The following PIK3C3 variants were observed in gnomAD, a reference collection of about 807,000 sequenced individuals.
PIK3C3 encodes phosphatidylinositol 3-kinase catalytic subunit type 3, also known as PI3-kinase type 3.
In PIK3C3, 95 loss-of-function variants were observed where a neutral mutation model predicts 126.1. That is an observed-to-expected ratio of 0.75 (90% CI 0.64 to 0.89). The LOEUF is 0.89. Among genes scored for constraint, PIK3C3 ranks in the 40% least tolerant of loss-of-function variants. PIK3C3 has a pLI of 0.00. For missense variants in PIK3C3, 829 were observed against 1,063.2 expected, an observed-to-expected ratio of 0.78 and a Z score of 3.06; for synonymous variants, 374 against 360.0, an observed-to-expected ratio of 1.04 and a Z score of -0.44.
intron 4 of PIK3C3, among the ~76,000 whole-genome samples, chr18:41,978,453 A>G (rs892909049): frequency 1.3e-5 from 2 of 152,216 alleles, no homozygotes; most frequent in Non-Finnish European, 2.9e-5. Context: ...TTGAGAACCT[A>G]TAAGGGAAGA....
Position 42,012,743 on chromosome 18 carries a change from A to G in PIK3C3, c.1171-699A>G, listed in dbSNP as rs374973565. ...TGTTGACTGACACCTTTTTAGTCCA[A>G]GTTATCTCATTGATTGTCACTTATG... On this transcript the variant is annotated intron_variant, in intron 10 of 24. Coordinates refer to ENST00000262039, the MANE Select transcript of PIK3C3 (RefSeq NM_002647.4). 7.9e-5 allele frequency among the ~76,000 whole-genome samples: 12 copies of G among 152,282 alleles called. No homozygotes were observed. The East Asian group carries it at 2.3e-3, about 29-fold the overall frequency.
chr18:42,013,188 A>G (rs371893604), intron 10 of PIK3C3, among the ~76,000 whole-genome samples: 2 of 148,528 alleles, frequency 1.3e-5, no homozygotes, highest in African/African-American at 2.5e-5. Flanking sequence ...GCCGGACACT[A>G]TACTGTGACT....
At chr18:41,970,671 TCAC>T in intron 4 of PIK3C3, 1 of 608,604 alleles carries the variant, frequency 1.6e-6, no homozygotes, top group Non-Finnish European at 2.9e-6. Context: ...TGTATAATCA[TCAC>T]CACTATATAA....
intron 4 of PIK3C3, among the ~76,000 whole-genome samples, chr18:41,974,304 T>A (rs1290285300): frequency 6.6e-6 from 1 of 152,232 alleles, no homozygotes; most frequent in Admixed American, 6.5e-5. Flanking sequence ...TAGCTGAAGT[T>A]TGAAAGCCTG....
intron 3 of PIK3C3, among the ~76,000 whole-genome samples, chr18:41,969,210 T>C (rs1980528573): frequency 6.6e-6 from 1 of 152,164 alleles, no homozygotes; most frequent in Non-Finnish European, 1.5e-5. Context: ...CTAGTTTTTT[T>C]CTTTCTATTG....
chr18:41,977,932 C>G (rs1981010823), intron 4 of PIK3C3, among the ~76,000 whole-genome samples: 1 of 152,124 alleles, frequency 6.6e-6, no homozygotes, highest in African/African-American at 2.4e-5. Context: ...AAGGACACTG[C>G]TTCTCTAGAC....
At chr18:42,010,129 T>C (rs189771443) in intron 10 of PIK3C3, among the ~76,000 whole-genome samples, 1 of 152,336 alleles carries the variant, frequency 6.6e-6, no homozygotes, top group East Asian at 1.9e-4. Context: ...TTAACAACTA[T>C]GTTTATGGAG....
intron 14 of PIK3C3, among the ~76,000 whole-genome samples, chr18:42,028,337 T>G (rs113356511): frequency 5.8e-4 from 89 of 152,346 alleles, no homozygotes; most frequent in African/African-American, 2.0e-3. Flanking sequence ...TCTTTTTATA[T>G]AATGTATTTT....
At chr18:42,014,207 CAA>C (rs58086258) in intron 11 of PIK3C3, among the ~76,000 whole-genome samples, 1 of 40,986 alleles carries the variant, frequency 2.4e-5, no homozygotes, top group Non-Finnish European at 4.9e-5. Context: ...GACTCCGTCT[CAA>C]AAAAAAAAAA....
chr18:42,055,693 A>G (rs759116595), intron 21 of PIK3C3, among the ~76,000 whole-genome samples: 1 of 152,110 alleles, frequency 6.6e-6, no homozygotes, highest in Non-Finnish European at 1.5e-5. Context: ...TTTGGATTAT[A>G]AGGAACAGCA....
intron 1 of PIK3C3, among the ~76,000 whole-genome samples, chr18:41,956,994 G>A (rs1979810328): frequency 6.6e-6 from 1 of 152,142 alleles, no homozygotes; most frequent in South Asian, 2.1e-4. Flanking sequence ...TTATACCACT[G>A]TTTTAAAGAA....
At chr18:42,076,195 C>CATAT (rs201249454) in intron 24 of PIK3C3, among the ~76,000 whole-genome samples, 9 of 111,892 alleles carry the variant, frequency 8.0e-5, no homozygotes, top group African/African-American at 3.5e-4. Context: ...TATATATGCA[C>CATAT]ACATATATAT....
At position 41,970,433 on chromosome 18, in the gene PIK3C3, G is replaced by A. The variant is rs1381231716; in HGVS notation, c.508G>A (p.Asp170Asn). The A allele has an allele frequency of 3.1e-6, 5 of 1,613,846 alleles. No homozygotes were observed. Among genetic ancestry groups the A allele is most frequent in the African/African-American group, 1.3e-5 (1 of 74,882 alleles). ...CAGAACAAGTAGCACTCTCTCAGAA[G>A]ATCAGATGAGCCGTCTTGCCAAGGT... is the stretch of plus-strand genomic sequence containing the variant. ...PGRTSSTLSE[D>N]QMSRLAKLTK... The change falls in exon 4 of 25, where the codon GAT (aspartate) becomes AAT (asparagine). Residue 170 changes from aspartate (D) to asparagine (N), a missense_variant. This residue lies in a region of PIK3C3 where 313 missense variants were observed against 340.7 expected (regional missense o/e 0.92). Transcript: ENST00000262039.
intron 22 of PIK3C3, among the ~76,000 whole-genome samples, chr18:42,061,727 C>A (rs953960237): frequency 4.6e-5 from 7 of 152,064 alleles, no homozygotes; most frequent in African/African-American, 1.7e-4. Flanking sequence ...AAGATTAATA[C>A]CAAAGGTAGT....
intron 8 of PIK3C3, 87 bp downstream of exon 8, chr18:41,996,081 T>C (rs373575819): frequency 2.4e-6 from 2 of 816,434 alleles, no homozygotes; most frequent in Non-Finnish European, 2.1e-6. Context: ...TTAAAAATTA[T>C]TTAGATGCAC....
At chr18:42,061,950 T>C (rs935939881) in intron 22 of PIK3C3, among the ~76,000 whole-genome samples, 3 of 151,904 alleles carry the variant, frequency 2.0e-5, no homozygotes, top group Non-Finnish European at 1.5e-5. Context: ...CCCGTTAGAA[T>C]CACCTGGGGA....
chr18:42,069,501 T>G (rs981598992), intron 24 of PIK3C3, among the ~76,000 whole-genome samples: 1 of 152,224 alleles, frequency 6.6e-6, no homozygotes, highest in South Asian at 2.1e-4. Context: ...TATACTACAT[T>G]AGTGTCAATC....
chr18:42,081,220 T>C lies in PIK3C3; in HGVS notation c.*83T>C. 1.2e-6 allele frequency: 1 copy of C among 825,548 alleles called. No homozygotes were observed. Among genetic ancestry groups the C allele is most frequent in the Non-Finnish European group, 2.0e-6 (1 of 510,592 alleles). The allele number at this position is 825,548 out of a possible 1,614,324, so 51.1% of individuals were successfully genotyped here. A position where few individuals can be genotyped will look rare whatever the true frequency, so the allele number is the denominator to read the frequency against. On this transcript the variant is annotated 3_prime_UTR_variant, in exon 25 of 25. Coordinates refer to ENST00000262039, the MANE Select transcript of PIK3C3 (RefSeq NM_002647.4). ...CCTTTGTATATTGGAGACTTCAGAGTAACCAGCAAGGAAGAGAAATCTTAA... is the reference window on the plus strand; with the variant it reads ...CCTTTGTATATTGGAGACTTCAGAGCAACCAGCAAGGAAGAGAAATCTTAA...
intron 21 of PIK3C3, among the ~76,000 whole-genome samples, chr18:42,057,102 A>T (rs1363445812): frequency 7.0e-6 from 1 of 142,662 alleles, no homozygotes; most frequent in Non-Finnish European, 1.5e-5. Flanking sequence ...AATATGTACA[A>T]CGTGAAACCT....
Sources: gnomAD v4.1 joint callset for allele counts (sites outside exome capture counted in the v4.1 genomes callset) on GRCh38, gnomAD v4.1.1 for gene constraint, gnomAD v4.1.1 regional missense constraint, MANE v1.5 for transcripts, NCBI Gene and HGNC (gene_info 2026-07-23, HGNC 2026-07-21) for gene names.